Variants in PUDP observed in about 807,000 individuals in gnomAD.
PUDP encodes the protein pseudouridine-5'-phosphatase.
PUDP carries 8 observed loss-of-function variants against 9.4 expected under a neutral mutation model. That is an observed-to-expected ratio of 0.85 (90% CI 0.50 to 1.53). PUDP has a LOEUF of 1.53. Ranked by LOEUF, PUDP falls within the 40% of genes most tolerant of loss-of-function variation. The pLI is 0.00. For synonymous variants in PUDP, 99 were observed against 80.7 expected, an observed-to-expected ratio of 1.23 and a Z score of -1.22; for missense variants, 188 against 189.7, an observed-to-expected ratio of 0.99 and a Z score of 0.05.
At chrX:6,916,246 A>ACACACACACACC (rs1555916573) in intron 3 of PUDP, among the ~76,000 whole-genome samples, 1 of 71,553 alleles carries the variant, frequency 1.4e-5, no homozygotes, top group African/African-American at 6.7e-5. Flanking sequence ...ACACACACAC[A>ACACACACACACC]CACCCTGGGG....
chrX:6,960,172 A>G (rs1191047463), intron 3 of PUDP, among the ~76,000 whole-genome samples: 1 of 112,542 alleles, frequency 8.9e-6, no homozygotes, highest in Non-Finnish European at 1.9e-5. Context: ...GCATGTAAGA[A>G]GAACAGAAAT....
At chrX:6,736,762 A>G (rs764822680) in intron 3 of PUDP, among the ~76,000 whole-genome samples, 24 of 111,638 alleles carry the variant, frequency 2.1e-4, no homozygotes, top group African/African-American at 7.8e-4. Context: ...CAGAAAACCA[A>G]TAACTGTACA....
chrX:6,788,384 T>C (rs764353807), intron 3 of PUDP, among the ~76,000 whole-genome samples: 1 of 111,882 alleles, frequency 8.9e-6, no homozygotes, highest in East Asian at 2.8e-4. Context: ...TTTCCACTGA[T>C]GATGACAGGA....
intron 1 of PUDP, among the ~76,000 whole-genome samples, chrX:7,041,959 G>T (rs1267371561): frequency 9.3e-6 from 1 of 107,416 alleles, no homozygotes; most frequent in Non-Finnish European, 1.9e-5. Flanking sequence ...TCATCTTCCT[G>T]AGTAGCTGGT....
chrX:6,864,255 C>T (rs1927046144), intron 3 of PUDP, among the ~76,000 whole-genome samples: 1 of 111,972 alleles, frequency 8.9e-6, no homozygotes, highest in Admixed American at 9.5e-5. Flanking sequence ...CTGTTGGTGT[C>T]CATGTTTGTG....
chrX:6,784,578 G>C (rs1406507367), intron 3 of PUDP, among the ~76,000 whole-genome samples: 7 of 111,678 alleles, frequency 6.3e-5, no homozygotes, highest in Non-Finnish European at 1.3e-4. Flanking sequence ...GTTCATCTTC[G>C]TTGTCCTATA....
At chrX:6,980,287 C>A (rs1196439690) in intron 1 of PUDP, among the ~76,000 whole-genome samples, 1 of 108,804 alleles carries the variant, frequency 9.2e-6, no homozygotes, top group Non-Finnish European at 1.9e-5. Context: ...TGGCTCACTG[C>A]AGCCTTAACC....
intron 3 of PUDP, among the ~76,000 whole-genome samples, chrX:6,779,717 C>A (rs1025548662): frequency 9.0e-6 from 1 of 111,198 alleles, no homozygotes; most frequent in Non-Finnish European, 1.9e-5. Flanking sequence ...ATCTCTTGAG[C>A]CCAGGAGTTC....
chrX:7,141,385 C>T (rs1932794106), intron 1 of PUDP, among the ~76,000 whole-genome samples: 1 of 112,858 alleles, frequency 8.9e-6, no homozygotes, highest in Admixed American at 9.3e-5. Flanking sequence ...GGTAGAAGAC[C>T]AAACCAGCAC....
chrX:7,062,001 C>T (rs1469415547), intron 3 of PUDP, among the ~76,000 whole-genome samples: 1 of 112,230 alleles, frequency 8.9e-6, no homozygotes, highest in Non-Finnish European at 1.9e-5. Context: ...ATCTCAATTA[C>T]TAGCCAGGAT....
chrX:6,713,440 A>ATGAGATATTC (rs1450417963), intron 1 of PUDP, among the ~76,000 whole-genome samples: 1 of 111,637 alleles, frequency 9.0e-6, no homozygotes, highest in Admixed American at 9.5e-5. Flanking sequence ...AATAAATTTC[A>ATGAGATATTC]TGAGATATTC....
chrX:6,756,979 C>T (rs1242153986), intron 3 of PUDP, among the ~76,000 whole-genome samples: 2 of 112,255 alleles, frequency 1.8e-5, no homozygotes, highest in Non-Finnish European at 3.8e-5. Flanking sequence ...TAGTGAGTTG[C>T]AAAACACGAA....
intron 1 of PUDP, among the ~76,000 whole-genome samples, chrX:7,010,025 G>C (rs951973422): frequency 1.5e-4 from 17 of 111,384 alleles, no homozygotes; most frequent in Non-Finnish European, 2.8e-4. Context: ...TCCCTCCCCA[G>C]TGTCTACCAA....
intron 3 of PUDP, among the ~76,000 whole-genome samples, chrX:6,948,568 T>G (rs1442048320): frequency 2.7e-5 from 3 of 112,256 alleles, no homozygotes; most frequent in Non-Finnish European, 5.6e-5. Context: ...GGTCCAATGG[T>G]CCACATTTCC....
At chrX:6,789,866 T>A (rs866521168) in intron 3 of PUDP, among the ~76,000 whole-genome samples, 12 of 107,707 alleles carry the variant, frequency 1.1e-4, no homozygotes, top group South Asian at 4.2e-4. Context: ...AAAAGACGAT[T>A]GATAGATGAT....
chrX:6,806,771 T>C (rs963913975), intron 3 of PUDP, among the ~76,000 whole-genome samples: 14 of 112,640 alleles, frequency 1.2e-4, no homozygotes, highest in Middle Eastern at 4.6e-3. Context: ...AGGCTCATGT[T>C]GGAGCAATGC....
At chrX:6,722,184 G>A (rs1444623303), upstream of PUDP, among the ~76,000 whole-genome samples, 3 of 111,131 alleles carry the variant, frequency 2.7e-5, no homozygotes, top group Non-Finnish European at 3.8e-5. Context: ...GGTGGCTCAC[G>A]CCTGTAATTC....
chrX:6,930,883 C>A (rs1473452309), intron 3 of PUDP, among the ~76,000 whole-genome samples: 3 of 109,513 alleles, frequency 2.7e-5, no homozygotes, highest in African/African-American at 1.0e-4. Flanking sequence ...GTCACTCCTG[C>A]CTCAAGTTTC....
chrX:7,039,526 A>G (rs1166065989), intron 1 of PUDP, among the ~76,000 whole-genome samples: 2 of 111,451 alleles, frequency 1.8e-5, no homozygotes, highest in Non-Finnish European at 3.8e-5. Flanking sequence ...CCTTACAAGA[A>G]GAGGAGATGA....
Sources: allele counts gnomAD v4.1 joint callset (sites outside exome capture counted in the v4.1 genomes callset), GRCh38; gene constraint gnomAD v4.1.1; transcripts MANE v1.5; gene names NCBI Gene and HGNC (gene_info 2026-07-23, HGNC 2026-07-21).